The following RNF150 variants were observed in gnomAD, a reference collection of about 807,000 sequenced individuals.
RNF150 encodes the protein ring finger protein 150.
RNF150 carries 24 observed loss-of-function variants against 39.3 expected under a neutral mutation model. The ratio of observed to expected loss-of-function variants is 0.61; its 90% CI spans 0.44 to 0.86. RNF150 has a LOEUF of 0.86. Ranked by LOEUF, RNF150 falls within the 40% of genes least tolerant of loss-of-function variation. The pLI is 0.00. For synonymous variants in RNF150, 255 were observed against 227.3 expected, an observed-to-expected ratio of 1.12 and a Z score of -1.10; for missense variants, 502 against 587.8, an observed-to-expected ratio of 0.85 and a Z score of 1.51.
chr4:140,889,724 C>G (rs1309974268), intron 6 of RNF150, among the ~76,000 whole-genome samples: 2 of 152,214 alleles, frequency 1.3e-5, no homozygotes, highest in African/African-American at 2.4e-5. Flanking sequence ...GATAAGCCCT[C>G]CTTGATTGCC....
intron 1 of RNF150, among the ~76,000 whole-genome samples, chr4:140,971,499 A>G (rs543800825): frequency 1.3e-5 from 2 of 152,230 alleles, no homozygotes; most frequent in East Asian, 3.9e-4. Context: ...ATATCAGCCT[A>G]CTATCTATTT....
intron 1 of RNF150, among the ~76,000 whole-genome samples, chr4:141,027,926 GTTTTTTT>G (rs61543533): frequency 5.6e-4 from 39 of 69,134 alleles, no homozygotes; most frequent in African/African-American, 1.6e-3. Context: ...TTTTTTTTTT[GTTTTTTT>G]TTTTTTTTTT....
At chr4:141,168,378 C>T (rs2111168611) in intron 1 of RNF150, among the ~76,000 whole-genome samples, 1 of 152,266 alleles carries the variant, frequency 6.6e-6, no homozygotes, top group South Asian at 2.1e-4. Context: ...TTGTGGAAGA[C>T]AATGTGGTGA....
chr4:140,971,287 C>T (rs776273762), intron 1 of RNF150, among the ~76,000 whole-genome samples: 4 of 151,402 alleles, frequency 2.6e-5, no homozygotes, highest in Non-Finnish European at 4.4e-5. Context: ...AGGGGTGGGG[C>T]TAGGGGGAGT....
At chr4:140,962,729 G>A (rs907072943) in intron 2 of RNF150, among the ~76,000 whole-genome samples, 5 of 151,892 alleles carry the variant, frequency 3.3e-5, no homozygotes, top group South Asian at 2.1e-4. Context: ...CAGGCTCAGC[G>A]GCTTTAAAAG....
At chr4:140,880,379 T>C (rs982764007) in intron 6 of RNF150, among the ~76,000 whole-genome samples, 1 of 152,202 alleles carries the variant, frequency 6.6e-6, no homozygotes, top group East Asian at 1.9e-4. Flanking sequence ...AATCTTTTAA[T>C]GTACTGTTTA....
intron 1 of RNF150, among the ~76,000 whole-genome samples, chr4:141,105,023 AT>A (rs1288008693): frequency 6.6e-6 from 1 of 152,140 alleles, no homozygotes; most frequent in African/African-American, 2.4e-5. Context: ...CGTTGCCCTC[AT>A]TTTCATAATC....
chr4:141,162,014 G>A (rs983277559), intron 1 of RNF150, among the ~76,000 whole-genome samples: 1 of 152,322 alleles, frequency 6.6e-6, no homozygotes, highest in South Asian at 2.1e-4. Context: ...CCGCAATGGG[G>A]CATTGCCTAG....
chr4:141,191,742 T>C (rs1728112553), intron 1 of RNF150, among the ~76,000 whole-genome samples: 2 of 152,222 alleles, frequency 1.3e-5, no homozygotes, highest in Admixed American at 1.3e-4. Flanking sequence ...CAATGCTCTT[T>C]GTTGTTTATA....
At chr4:140,929,397 T>C (rs912768350) in intron 4 of RNF150, among the ~76,000 whole-genome samples, 4 of 132,622 alleles carry the variant, frequency 3.0e-5, no homozygotes, top group African/African-American at 1.1e-4. Context: ...GATGGAGTCT[T>C]GCTCTGTCGC....
At chr4:140,994,740 A>C (rs1734309005) in intron 1 of RNF150, among the ~76,000 whole-genome samples, 1 of 152,222 alleles carries the variant, frequency 6.6e-6, no homozygotes, top group Non-Finnish European at 1.5e-5. Flanking sequence ...CTAGAGTAAA[A>C]GGCAGGAAGC....
intron 1 of RNF150, among the ~76,000 whole-genome samples, chr4:140,997,618 G>A (rs1393201015): frequency 6.8e-6 from 1 of 147,482 alleles, no homozygotes; most frequent in Admixed American, 6.8e-5. Context: ...AGGAGGCTAA[G>A]GCAGGAGAAT....
intron 4 of RNF150, among the ~76,000 whole-genome samples, chr4:140,935,071 ATATATAT>A (rs1289664848): frequency 2.5e-5 from 3 of 119,310 alleles, no homozygotes; most frequent in Non-Finnish European, 5.0e-5. Context: ...TATATATAAT[ATATATAT>A]AATATATATA....
At chr4:141,049,186 CAT>C (rs1218613539) in intron 1 of RNF150, among the ~76,000 whole-genome samples, 1 of 151,664 alleles carries the variant, frequency 6.6e-6, no homozygotes, top group Non-Finnish European at 1.5e-5. Context: ...TGTAATTACA[CAT>C]AGTTTACCAA....
intron 1 of RNF150, among the ~76,000 whole-genome samples, chr4:141,090,799 G>GT (rs1251903975): frequency 4.6e-5 from 7 of 152,088 alleles, no homozygotes; most frequent in Non-Finnish European, 8.8e-5. Flanking sequence ...ATGGCCAATG[G>GT]TTTTTTGTTT....
chr4:141,041,801 T>C (rs1461819968), intron 1 of RNF150, among the ~76,000 whole-genome samples: 4 of 152,022 alleles, frequency 2.6e-5, no homozygotes, highest in African/African-American at 4.8e-5. Context: ...AAATGAACGG[T>C]AAAAGTAATA....
chr4:141,143,054 G>A (rs1311794158), intron 1 of RNF150, among the ~76,000 whole-genome samples: 2 of 151,952 alleles, frequency 1.3e-5, no homozygotes, highest in Non-Finnish European at 2.9e-5. Context: ...TATTTTAGTA[G>A]ATACGGGGTT....
intron 5 of RNF150, among the ~76,000 whole-genome samples, chr4:140,921,314 C>A (rs1189420797): frequency 2.0e-5 from 3 of 151,630 alleles, no homozygotes; most frequent in African/African-American, 4.8e-5. Context: ...GAAATACAAA[C>A]TACCATCAGA....
chr4:140,951,552 T>TTG (rs1491162420), intron 2 of RNF150, among the ~76,000 whole-genome samples: 6 of 6,220 alleles, frequency 9.6e-4, no homozygotes, highest in African/African-American at 4.7e-3. Flanking sequence ...GTTGTTGTTG[T>TTG]TTTTTTTTTT....
Sources: gnomAD v4.1 joint callset for allele counts (sites outside exome capture counted in the v4.1 genomes callset) on GRCh38, gnomAD v4.1.1 for gene constraint, MANE v1.5 for transcripts, NCBI Gene and HGNC (gene_info 2026-07-23, HGNC 2026-07-21) for gene names.